The following MMD variants were observed in gnomAD, a reference collection of about 807,000 sequenced individuals.
The protein encoded by MMD is monocyte to macrophage differentiation factor.
A neutral mutation model predicts 33.6 loss-of-function variants in MMD; 22 were observed. The ratio of observed to expected loss-of-function variants is 0.66; its 90% CI spans 0.47 to 0.94. The LOEUF (loss-of-function observed/expected upper bound fraction) is 0.94. Ranked by LOEUF, MMD falls within the 40% of genes least tolerant of loss-of-function variation. The pLI is 0.00. For synonymous variants in MMD, 97 were observed against 103.2 expected (o/e 0.94, Z 0.36); for missense variants, 242 against 309.8 (o/e 0.78, Z 1.64).
At chr17:55,406,719 C>T (rs1366772012) in intron 4 of MMD, among the ~76,000 whole-genome samples, 2 of 151,784 alleles carry the variant, frequency 1.3e-5, no homozygotes, top group African/African-American at 4.8e-5. Flanking sequence ...ACCCTATCTC[C>T]ACCAAAAAAT....
At chr17:55,410,509 A>G (rs1026918636) in intron 3 of MMD, among the ~76,000 whole-genome samples, 20 of 152,306 alleles carry the variant, frequency 1.3e-4, no homozygotes, top group East Asian at 5.8e-4. Flanking sequence ...TCCAAAATCA[A>G]TCCTTCACTC....
chr17:55,409,766 G>T (rs1234501463), intron 3 of MMD, among the ~76,000 whole-genome samples: 1 of 152,200 alleles, frequency 6.6e-6, no homozygotes, highest in East Asian at 1.9e-4. Context: ...TACTGAAGTA[G>T]GTACCTACAA....
Position 55,421,823 on chromosome 17 carries a change from G to A in MMD, c.-128C>T. On this transcript the variant is annotated 5_prime_UTR_variant, in exon 1 of 7. Transcript: ENST00000262065. Reference sequence around the variant, plus strand: ...GTGTCCAGCGGAACCCTTCGGCCGGGTAGGGTCGGAGTGGGCCAGGCCGGG... The same window carrying A: ...GTGTCCAGCGGAACCCTTCGGCCGGATAGGGTCGGAGTGGGCCAGGCCGGG... 20 of 1,128,886 alleles carry A rather than the reference G, an allele frequency of 1.8e-5. No individual in the cohort carries two copies. In the South Asian group the frequency reaches 3.1e-4, roughly 18 times the overall value. 69.9% of individuals were successfully genotyped at this position (1,128,886 alleles called of 1,614,324 possible). A position where few individuals can be genotyped will look rare whatever the true frequency, so the allele number is the denominator to read the frequency against.
Position 55,394,345 on chromosome 17 carries a change from G to C in MMD, c.706C>G (p.Arg236Gly). 7.3e-7 allele frequency: 1 copy of C among 1,373,088 alleles called. No homozygotes were observed. Among genetic ancestry groups the C allele is most frequent in the Middle Eastern group, 1.9e-4 (1 of 5,148 alleles). The allele number at this position is 1,373,088 out of a possible 1,614,324, so 85.1% of individuals were successfully genotyped here. A position where few individuals can be genotyped will look rare whatever the true frequency, so the allele number is the denominator to read the frequency against. ...TTAGTACAGATTGGTCATAAATGCC[G>C]CATAAAGTCCGTAGGACTTCGGTAA... ...YLYRSPTDFMRHL is the reference protein window; with the variant it reads ...YLYRSPTDFMGHL The change falls in exon 7 of 7, where the codon CGG becomes GGG. Residue 236 changes from arginine (R) to glycine (G), a missense_variant. Coordinates refer to ENST00000262065, the MANE Select transcript of MMD (RefSeq NM_012329.3).
chr17:55,395,455 C>G (rs568929631), intron 6 of MMD, among the ~76,000 whole-genome samples: 1 of 152,338 alleles, frequency 6.6e-6, no homozygotes, highest in Admixed American at 6.5e-5. Flanking sequence ...TCCTAGAGGC[C>G]TGGGCACTGG....
rs1037638855 is a variant in MMD, at chr17:55,393,496, C to T, written c.*838G>A. Reference sequence around the variant, plus strand: ...GTCATAATACAGAAAAAACATTTATCCACTGTGGAAAGAGACCCTGAAGAG... The same window carrying T: ...GTCATAATACAGAAAAAACATTTATTCACTGTGGAAAGAGACCCTGAAGAG... On this transcript the variant is annotated 3_prime_UTR_variant, in exon 7 of 7. Transcript: ENST00000262065. 3.3e-5 allele frequency: 5 copies of T among 152,530 alleles called. No homozygotes were observed. The highest frequency in any genetic ancestry group is 5.9e-5 in the Non-Finnish European group (4 of 68,020). The allele number at this position is 152,530 out of a possible 1,614,324, so 9.4% of individuals were successfully genotyped here.
chr17:55,416,555 T>C (rs1907975039), intron 1 of MMD, among the ~76,000 whole-genome samples: 1 of 152,210 alleles, frequency 6.6e-6, no homozygotes. Flanking sequence ...ATAATTGTTC[T>C]GCTGGGAAAG....
intron 1 of MMD, among the ~76,000 whole-genome samples, chr17:55,417,654 C>T (rs1003901265): frequency 5.3e-5 from 8 of 152,080 alleles, no homozygotes; most frequent in African/African-American, 1.9e-4. Context: ...AAAAATTAGC[C>T]AGGTGTGGTA....
Position 55,421,771 on chromosome 17 carries a change from G to A in MMD, c.-76C>T, listed in dbSNP as rs1403628935. ...GCGGCCGGGCGCGCGGCCCTCATGG[G>A]CTTGGGCTGCTCCGGAGGCCGCCTG... On this transcript the variant is annotated 5_prime_UTR_variant, in exon 1 of 7. Coordinates refer to ENST00000262065, the MANE Select transcript of MMD (RefSeq NM_012329.3). 1.3e-6 allele frequency: 2 copies of A among 1,494,438 alleles called. No homozygotes were observed. Among genetic ancestry groups the A allele is most frequent in the Admixed American group, 2.3e-5 (1 of 42,644 alleles). 92.6% of individuals were successfully genotyped at this position (1,494,438 alleles called of 1,614,324 possible). A position where few individuals can be genotyped will look rare whatever the true frequency, so the allele number is the denominator to read the frequency against.
intron 4 of MMD, among the ~76,000 whole-genome samples, chr17:55,406,060 T>C (rs1907531251): frequency 6.6e-6 from 1 of 152,198 alleles, no homozygotes; most frequent in Non-Finnish European, 1.5e-5. Flanking sequence ...TGCTATATAG[T>C]AGCTACTGCA....
At chr17:55,412,697 T>G (rs1193295180) in intron 2 of MMD, among the ~76,000 whole-genome samples, 1 of 152,236 alleles carries the variant, frequency 6.6e-6, no homozygotes, top group Admixed American at 6.5e-5. Flanking sequence ...GAAGTTTTCG[T>G]TGGCCCAAGC....
chr17:55,415,557 C>G (rs547362406), intron 1 of MMD, among the ~76,000 whole-genome samples: 16 of 152,242 alleles, frequency 1.1e-4, no homozygotes, highest in African/African-American at 3.6e-4. Flanking sequence ...ATGACCAAGC[C>G]ATTTTAGAGA....
intron 6 of MMD, among the ~76,000 whole-genome samples, chr17:55,395,729 A>G (rs1719676750): frequency 6.6e-6 from 1 of 152,256 alleles, no homozygotes. Context: ...AACCTTGGTA[A>G]GAAAGGACTT....
intron 6 of MMD, among the ~76,000 whole-genome samples, chr17:55,395,756 T>C (rs1394071223): frequency 6.6e-6 from 1 of 152,244 alleles, no homozygotes; most frequent in Non-Finnish European, 1.5e-5. Flanking sequence ...GATTTATTTT[T>C]ATTTAAAAAG....
chr17:55,400,329 C>A (rs1022454014), intron 6 of MMD, among the ~76,000 whole-genome samples: 1 of 152,102 alleles, frequency 6.6e-6, no homozygotes, highest in Non-Finnish European at 1.5e-5. Context: ...AGGTGGATCA[C>A]CTGAGCTCAG....
chr17:55,404,363 A>G, intron 4 of MMD: 1 of 764,896 alleles, frequency 1.3e-6, no homozygotes, highest in Non-Finnish European at 1.6e-6. Context: ...TAAAAAAAAA[A>G]AAGAATTAGT....
intron 4 of MMD, among the ~76,000 whole-genome samples, chr17:55,405,666 C>T (rs73993242): frequency 0.018 from 2,697 of 146,334 alleles, 75 homozygotes; most frequent in African/African-American, 0.062. Flanking sequence ...ATTTAATGTC[C>T]ATTCATAAAA....
At chr17:55,403,356 A>G (rs1907418936) in intron 5 of MMD, among the ~76,000 whole-genome samples, 1 of 152,146 alleles carries the variant, frequency 6.6e-6, no homozygotes, top group South Asian at 2.1e-4. Context: ...TTTTTGGAAT[A>G]CCCTCTAGGC....
chr17:55,416,168 A>C (rs1392921313), intron 1 of MMD, among the ~76,000 whole-genome samples: 1 of 152,206 alleles, frequency 6.6e-6, no homozygotes, highest in African/African-American at 2.4e-5. Flanking sequence ...ATGAAATTGA[A>C]TGTGCTCTGT....
Sources: gnomAD v4.1 joint callset for allele counts (sites outside exome capture counted in the v4.1 genomes callset) on GRCh38, gnomAD v4.1.1 for gene constraint, MANE v1.5 for transcripts, NCBI Gene and HGNC (gene_info 2026-07-23, HGNC 2026-07-21) for gene names.